ESRRG: variants seen among roughly 807,000 people sequenced by gnomAD.
ESRRG encodes estrogen related receptor gamma, also known as estrogen-related receptor gamma.
A neutral mutation model predicts 44.0 loss-of-function variants in ESRRG; 13 were observed. The ratio of observed to expected loss-of-function variants is 0.30; its 90% CI spans 0.19 to 0.47. The LOEUF (loss-of-function observed/expected upper bound fraction) is 0.47. ESRRG is among the 20% of genes least tolerant of loss of function. The probability of loss-of-function intolerance (pLI) is 1.00; values close to 1 mark genes in which losing one functional copy is unlikely to be tolerated. For synonymous variants in ESRRG, 215 were observed against 214.6 expected (o/e 1.00, Z -0.02); for missense variants, 395 against 580.6 (o/e 0.68, Z 3.29).
At chr1:216,698,642 C>A (rs1430424484) in intron 1 of ESRRG, among the ~76,000 whole-genome samples, 10 of 151,280 alleles carry the variant, frequency 6.6e-5, no homozygotes, top group African/African-American at 2.4e-4. Flanking sequence ...CAGTAAGCAA[C>A]GGTGAGTATA....
intron 1 of ESRRG, chr1:216,701,656 T>C (rs2081411978): frequency 6.6e-6 from 1 of 152,214 alleles, no homozygotes; most frequent in South Asian, 2.1e-4. Flanking sequence ...CCACCCTATT[T>C]ATTAGCCTTG....
At chr1:217,130,964 T>G (rs569802992) in intron 1 of ESRRG, among the ~76,000 whole-genome samples, 100 of 152,300 alleles carry the variant, frequency 6.6e-4, no homozygotes, top group African/African-American at 2.3e-3. Context: ...ATATACTATA[T>G]TGCCACGAAT....
rs143668076 is a variant in ESRRG at position 216,584,903 on chromosome 1, C to T, written c.590-16805G>A. On this transcript the variant is annotated intron_variant, in intron 3 of 6. Coordinates refer to ENST00000408911, the MANE Select transcript of ESRRG (RefSeq NM_001438.4). ...ATGTGTAACAGAGTAGTTTTAAGAC[C>T]AGCTGTCTGCTAAATGATGGTAAGT... Among the ~76,000 whole-genome samples, 6 of 152,196 alleles carry T rather than the reference C, an allele frequency of 3.9e-5. 1 individual carries two copies. In the East Asian group the frequency reaches 1.2e-3, roughly 29 times the overall value.
At chr1:217,071,063 T>C (rs1311961551) in intron 1 of ESRRG, among the ~76,000 whole-genome samples, 1 of 152,168 alleles carries the variant, frequency 6.6e-6, no homozygotes. Flanking sequence ...CCCATTATTC[T>C]TGTCCACCAC....
Position 216,564,004 on chromosome 1 carries a change from A to G in ESRRG, c.862+215T>C, listed in dbSNP as rs1342950559. Among the ~76,000 whole-genome samples, 34 of 152,202 alleles carry G rather than the reference A, an allele frequency of 2.2e-4. 1 individual carries two copies. Among genetic ancestry groups the G allele is most frequent in the Non-Finnish European group, 4.4e-5 (3 of 68,034 alleles). ...ACTGGCAGTAGTACCTGTACATATG[A>G]AAAACTAACAAGAACTCAAGGTGGT... On this transcript the variant is annotated intron_variant, in intron 5 of 6. Transcript: ENST00000408911.
chr1:217,126,100 C>A (rs1306297290), intron 1 of ESRRG, among the ~76,000 whole-genome samples: 3 of 152,098 alleles, frequency 2.0e-5, no homozygotes. Context: ...AGAGGCCTAG[C>A]TTTGAGTCTC....
intron 2 of ESRRG, among the ~76,000 whole-genome samples, chr1:216,896,105 T>G (rs560382049): frequency 6.6e-6 from 1 of 152,266 alleles, no homozygotes; most frequent in South Asian, 2.1e-4. Context: ...TATACACAAA[T>G]TCTCTCCCAA....
chr1:216,683,468 G>A (rs77287867), intron 1 of ESRRG, among the ~76,000 whole-genome samples: 1 of 152,124 alleles, frequency 6.6e-6, no homozygotes, highest in African/African-American at 2.4e-5. Context: ...TAGTTCAAAA[G>A]ACTCTCTCTA....
chr1:216,854,790 AT>A (rs1225707978), intron 2 of ESRRG, among the ~76,000 whole-genome samples: 1 of 151,344 alleles, frequency 6.6e-6, no homozygotes, highest in Non-Finnish European at 1.5e-5. Context: ...CTTGTGTTTT[AT>A]TTCTACAGTG....
chr1:216,640,943 A>G (rs2066296206), intron 3 of ESRRG, among the ~76,000 whole-genome samples: 1 of 152,206 alleles, frequency 6.6e-6, no homozygotes, highest in Non-Finnish European at 1.5e-5. Context: ...GTGCCTGAGC[A>G]AATGTTCAAG....
chr1:216,582,694 C>A (rs1165225657), intron 3 of ESRRG, among the ~76,000 whole-genome samples: 2 of 152,168 alleles, frequency 1.3e-5, no homozygotes, highest in Admixed American at 1.3e-4. Flanking sequence ...GTGGTGAGCT[C>A]CATTTTCATT....
chr1:216,780,371 A>C (rs2093885552), intron 2 of ESRRG, among the ~76,000 whole-genome samples: 1 of 152,042 alleles, frequency 6.6e-6, no homozygotes, highest in East Asian at 1.9e-4. Context: ...CCCTGACAGA[A>C]GTTATCAGGA....
intron 2 of ESRRG, among the ~76,000 whole-genome samples, chr1:216,824,419 C>G (rs2095356148): frequency 6.6e-6 from 1 of 151,762 alleles, no homozygotes; most frequent in South Asian, 2.1e-4. Flanking sequence ...TCACTCCAGC[C>G]TGGGCTTCAG....
At chr1:216,550,653 C>T (rs532852939) in intron 5 of ESRRG, among the ~76,000 whole-genome samples, 2 of 152,150 alleles carry the variant, frequency 1.3e-5, no homozygotes, top group African/African-American at 2.4e-5. Flanking sequence ...CAAAAGTCAA[C>T]GGCAGGAGAT....
chr1:216,825,855 C>T (rs1422277582), intron 2 of ESRRG, among the ~76,000 whole-genome samples: 2 of 152,144 alleles, frequency 1.3e-5, no homozygotes, highest in African/African-American at 2.4e-5. Context: ...TACATAGTTG[C>T]AGGCAGATGG....
intron 1 of ESRRG, among the ~76,000 whole-genome samples, chr1:217,038,246 C>T (rs970887203): frequency 2.6e-5 from 4 of 152,230 alleles, no homozygotes; most frequent in Admixed American, 2.0e-4. Context: ...TCCGTGAGGG[C>T]CCTGCCCCTG....
chr1:216,799,737 A>C (rs2094564270), intron 2 of ESRRG, among the ~76,000 whole-genome samples: 1 of 152,150 alleles, frequency 6.6e-6, no homozygotes, highest in Non-Finnish European at 1.5e-5. Context: ...AAGGGGACAA[A>C]ATTTTGCTTC....
intron 2 of ESRRG, among the ~76,000 whole-genome samples, chr1:216,830,116 G>A (rs2095463936): frequency 6.6e-6 from 1 of 152,098 alleles, no homozygotes; most frequent in South Asian, 2.1e-4. Context: ...TGCATTCATT[G>A]CAAGGTGCCA....
rs976331887 is a variant in ESRRG, at chr1:216,965,160, C to T, written c.-105-25487G>A. ...TGCAACCGAAAAGTTACACATATGC[C>T]TTTTTTTTTTTCCTACTTCTTGACT... On this transcript the variant is annotated intron_variant, in intron 1 of 7. Coordinates refer to the ESRRG transcript ENST00000359162. Among the ~76,000 whole-genome samples the T allele has an allele frequency of 2.0e-3, 290 of 147,920 alleles. 2 individuals carry two copies. The highest frequency in any genetic ancestry group is 6.6e-3 in the African/African-American group (268 of 40,368).
Sources: allele counts gnomAD v4.1 joint callset (sites outside exome capture counted in the v4.1 genomes callset), GRCh38; gene constraint gnomAD v4.1.1; transcripts MANE v1.5; gene names NCBI Gene and HGNC (gene_info 2026-07-23, HGNC 2026-07-21).